The following SYNE2 variants were observed in gnomAD, a reference collection of about 807,000 sequenced individuals.
SYNE2 encodes spectrin repeat containing nuclear envelope protein 2.
A neutral mutation model predicts 856.3 loss-of-function variants in SYNE2; 431 were observed. The ratio of observed to expected loss-of-function variants is 0.50; its 90% CI spans 0.47 to 0.55. SYNE2 has a LOEUF of 0.55. Among genes scored for constraint, SYNE2 ranks in the 20% least tolerant of loss-of-function variants. The pLI, the probability that SYNE2 is intolerant of heterozygous loss-of-function variation, is 0.00. For synonymous variants in SYNE2, 2,923 were observed against 2,872.3 expected, an observed-to-expected ratio of 1.02 and a Z score of -0.56; for missense variants, 8,129 against 8,023.2, an observed-to-expected ratio of 1.01 and a Z score of -0.50.
chr14:64,214,803 G>A (rs974226496), intron 106 of SYNE2, among the ~76,000 whole-genome samples: 2 of 152,162 alleles, frequency 1.3e-5, no homozygotes, highest in South Asian at 2.1e-4. Context: ...GCAGTGGTGC[G>A]ACCACGGCTC....
intron 101 of SYNE2, 126 bp downstream of exon 101, chr14:64,209,071 G>A: frequency 8.4e-7 from 1 of 1,195,416 alleles, no homozygotes; most frequent in East Asian, 2.5e-5. Context: ...TGGCAGAGAA[G>A]GCCCAACGCT....
intron 2 of SYNE2, among the ~76,000 whole-genome samples, chr14:63,928,674 T>G (rs988751335): frequency 1.3e-5 from 2 of 152,228 alleles, no homozygotes; most frequent in African/African-American, 4.8e-5. Context: ...TGTTTCTTTA[T>G]TTATTTCTGT....
At chr14:64,159,847 T>G (rs886661793) in intron 87 of SYNE2, among the ~76,000 whole-genome samples, 2 of 152,090 alleles carry the variant, frequency 1.3e-5, no homozygotes, top group African/African-American at 4.8e-5. Context: ...GATGTTAGAG[T>G]ATCTGTTGCG....
At chr14:63,957,167 G>A (rs560778858) in intron 8 of SYNE2, among the ~76,000 whole-genome samples, 1 of 148,478 alleles carries the variant, frequency 6.7e-6, no homozygotes, top group East Asian at 2.0e-4. Context: ...CAACAATCTT[G>A]GCTCGCTGCA....
At chr14:64,039,511 T>C (rs551383942) in intron 45 of SYNE2, among the ~76,000 whole-genome samples, 1 of 152,346 alleles carries the variant, frequency 6.6e-6, no homozygotes, top group South Asian at 2.1e-4. Context: ...CACCTCCTAT[T>C]CTTTTCCAAA....
intron 21 of SYNE2, among the ~76,000 whole-genome samples, chr14:63,991,809 A>T (rs1021343300): frequency 6.6e-6 from 1 of 152,184 alleles, no homozygotes. Flanking sequence ...AGCACACTTT[A>T]TTGAACACTT....
In SYNE2 at chr14:64,115,513, A is replaced by G. The variant is rs190811926; in HGVS notation, c.12840+1942A>G. Among the ~76,000 whole-genome samples the G allele has an allele frequency of 4.2e-3, 640 of 152,270 alleles. 2 individuals carry two copies. The highest frequency in any genetic ancestry group is 7.8e-3 in the Non-Finnish European group (529 of 68,018). ...GGCAGCAGAGGCTTGGGATTTTTTT[A>G]TAGCCCAGGGTTAGTCTTATCCGTG... On this transcript the variant is annotated intron_variant, in intron 66 of 115. Coordinates refer to ENST00000555002, the MANE Select transcript of SYNE2 (RefSeq NM_182914.3).
Position 64,119,535 on chromosome 14 carries a change from C to T in SYNE2, c.12949C>T (p.Leu4317=), listed in dbSNP as rs372251754. 60 of 1,614,052 alleles carry T rather than the reference C, an allele frequency of 3.7e-5. No individual in the cohort carries two copies. The African/African-American group carries it at 7.1e-4, about 19-fold the overall frequency. The change falls in exon 67 of 116, where the codon CTG becomes TTG. Residue 4317 remains leucine (L), a synonymous_variant. Coordinates refer to ENST00000555002, the MANE Select transcript of SYNE2 (RefSeq NM_182914.3). ...ATQHEAEALS[L]KLKTVKCNLE... The stretch of plus-strand genomic sequence containing the variant: ...TCAACATGAGGCTGAAGCGCTTTCC[C>T]TGAAACTGAAAACAGTGAAGTGCAA...
At chr14:64,143,979 G>C in intron 83 of SYNE2, 31 bp downstream of exon 83, 1 of 1,613,180 alleles carries the variant, frequency 6.2e-7, no homozygotes, top group Non-Finnish European at 8.5e-7. Flanking sequence ...TGGATGTGTG[G>C]TTTGACCTTT....
In SYNE2 at chr14:64,225,006, C is replaced by T; in HGVS notation, c.20477C>T (p.Ala6826Val). 6.2e-7 allele frequency: 1 copy of T among 1,613,754 alleles called. No individual in the cohort carries two copies. Among genetic ancestry groups the T allele is most frequent in the Non-Finnish European group, 8.5e-7 (1 of 1,179,932 alleles). Residue 6826 changes from alanine to valine, a missense_variant, in exon 115 of 116, where the codon GCA (alanine) becomes GTA (valine). Ala to Val is a moderately conservative substitution (Grantham distance 64). This residue lies in a region of SYNE2 where 5,410 missense variants were observed against 5,284.8 expected (regional missense o/e 1.02). Coordinates refer to ENST00000555002, the MANE Select transcript of SYNE2 (RefSeq NM_182914.3). ...AGTTTCTTTACCCAGCAGTTCAGAG[C>T]AGTGAGAACTACAGAAGGCGAGGAG... is the stretch of plus-strand genomic sequence containing the variant. ...SVPAPRAKFR[A>V]VRTTEGEEET...
chr14:64,225,476 C>T lies in SYNE2; in HGVS notation c.20674C>T (p.Arg6892Trp), dbSNP rs534020975. Residue 6892 changes from arginine (R) to tryptophan (W), a missense_variant, in exon 116 of 116, where the codon CGG (arginine) becomes TGG (tryptophan). By Grantham distance (101) the Arg-to-Trp change is moderately radical. This residue lies in a region of SYNE2 where 5,410 missense variants were observed against 5,284.8 expected (regional missense o/e 1.02). Coordinates refer to ENST00000555002, the MANE Select transcript of SYNE2 (RefSeq NM_182914.3). Reference sequence around the variant, plus strand: ...CTGCACTCAGGCCAACAACTTTGCCCGGTCCTTTTACCCCATGCTGAGGTA... The same window carrying T: ...CTGCACTCAGGCCAACAACTTTGCCTGGTCCTTTTACCCCATGCTGAGGTA... ...YSCTQANNFA[R>W]SFYPMLRYTN... 25 of 1,614,212 alleles carry T rather than the reference C, an allele frequency of 1.5e-5. No homozygotes were observed. The highest frequency in any genetic ancestry group is 1.6e-4 in the Middle Eastern group (1 of 6,062).
At chr14:63,861,202 C>T (rs34780876) in intron 1 of SYNE2, among the ~76,000 whole-genome samples, 93,786 of 147,338 alleles carry the variant, frequency 0.64, 30,183 homozygotes, top group South Asian at 0.77. Flanking sequence ...TGGAGTGCGG[C>T]GGCACAATCT....
intron 1 of SYNE2, among the ~76,000 whole-genome samples, chr14:63,815,134 ATC>A (rs1469672967): frequency 1.5e-5 from 2 of 131,268 alleles, no homozygotes; most frequent in Non-Finnish European, 3.2e-5. Flanking sequence ...CCACATATAT[ATC>A]CATATATATA....
At position 64,133,569 on chromosome 14, in the gene SYNE2, C is replaced by T. The variant is rs371416280; in HGVS notation, c.14515-500C>T. Among the ~76,000 whole-genome samples the T allele has an allele frequency of 1.7e-4, 26 of 152,234 alleles. 1 individual carries two copies. Among genetic ancestry groups the T allele is most frequent in the Middle Eastern group, 3.4e-3 (1 of 294 alleles). ...TTGTCCTCCCCTGATGAAGTGTAAG[C>T]CTATACTCCTCAAAGACACCTTGAG... On this transcript the variant is annotated intron_variant, in intron 77 of 115. Transcript: ENST00000555002.
chr14:64,146,343 C>T, intron 84 of SYNE2, 120 bp downstream of exon 84: 2 of 906,564 alleles, frequency 2.2e-6, no homozygotes, highest in Admixed American at 3.5e-5. Context: ...CCTCTATTTA[C>T]TTATTTTCTT....
intron 1 of SYNE2, among the ~76,000 whole-genome samples, chr14:63,805,670 G>A (rs1888336241): frequency 6.6e-6 from 1 of 152,148 alleles, no homozygotes; most frequent in Non-Finnish European, 1.5e-5. Flanking sequence ...ACCGCGCCCG[G>A]CCATCACTGT....
intron 2 of SYNE2, among the ~76,000 whole-genome samples, chr14:63,933,642 A>G (rs1032379732): frequency 3.3e-5 from 5 of 152,194 alleles, no homozygotes; most frequent in African/African-American, 1.2e-4. Flanking sequence ...TACATTATGT[A>G]TATATATTTG....
chr14:64,136,532 TTTG>T (rs1595763058), intron 78 of SYNE2, among the ~76,000 whole-genome samples: 1 of 152,132 alleles, frequency 6.6e-6, no homozygotes, highest in Non-Finnish European at 1.5e-5. Flanking sequence ...AACCTTCTGT[TTTG>T]TTAATAATTT....
upstream of SYNE2, among the ~76,000 whole-genome samples, chr14:63,848,727 A>T (rs1435941929): frequency 6.6e-6 from 1 of 152,206 alleles, no homozygotes; most frequent in Non-Finnish European, 1.5e-5. Context: ...TGACCTATTC[A>T]ATAAAGTGCT....
Sources: allele counts gnomAD v4.1 joint callset (sites outside exome capture counted in the v4.1 genomes callset), GRCh38; gene constraint gnomAD v4.1.1; regional missense constraint gnomAD v4.1.1; transcripts MANE v1.5; gene names NCBI Gene and HGNC (gene_info 2026-07-23, HGNC 2026-07-21).